The following ATXN2 variants were observed in gnomAD, a reference collection of about 807,000 sequenced individuals.
The protein encoded by ATXN2 is ataxin-2.
ATXN2 carries 37 observed loss-of-function variants against 138.6 expected under a neutral mutation model. The ratio of observed to expected loss-of-function variants is 0.27; its 90% CI spans 0.21 to 0.35. The LOEUF (loss-of-function observed/expected upper bound fraction) is 0.35, where lower values mean the gene tolerates loss of function less well. Among genes scored for constraint, ATXN2 ranks in the 10% least tolerant of loss-of-function variants. The pLI is 1.00. For missense variants in ATXN2, 1,216 were observed against 1,480.3 expected, an observed-to-expected ratio of 0.82 and a Z score of 2.93; for synonymous variants, 549 against 543.7, an observed-to-expected ratio of 1.01 and a Z score of -0.13.
intron 14 of ATXN2, among the ~76,000 whole-genome samples, chr12:111,499,629 A>G (rs1165742147): frequency 2.6e-5 from 4 of 151,850 alleles, no homozygotes; most frequent in Non-Finnish European, 4.4e-5. Context: ...AGCCAAGATC[A>G]CACCACTACG....
At chr12:111,599,670 CG>C (rs1479804357), upstream of ATXN2, 3 of 1,050,226 alleles carry the variant, frequency 2.9e-6, no homozygotes, top group Non-Finnish European at 2.3e-6. Flanking sequence ...GTTGCTTTCT[CG>C]GGGGTCGGGT....
intron 18 of ATXN2, among the ~76,000 whole-genome samples, chr12:111,481,236 G>A (rs1354179437): frequency 1.3e-5 from 2 of 152,150 alleles, no homozygotes; most frequent in African/African-American, 4.8e-5. Flanking sequence ...CTTGAGCTCA[G>A]GAATTCGAGA....
At chr12:111,479,237 T>C (rs923339614) in intron 18 of ATXN2, 3 of 278,368 alleles carry the variant, frequency 1.1e-5, no homozygotes, top group Non-Finnish European at 2.0e-5. Flanking sequence ...AATCATAAAA[T>C]GAAATGCTAC....
chr12:111,536,262 A>G (rs1881168391), intron 5 of ATXN2, among the ~76,000 whole-genome samples: 2 of 152,224 alleles, frequency 1.3e-5, no homozygotes. Flanking sequence ...TGGTGGAAGA[A>G]AACAAGGACC....
Position 111,494,059 on chromosome 12 carries a change from A to G in ATXN2, c.1936-5279T>C, listed in dbSNP as rs556566226. On this transcript the variant is annotated intron_variant, in intron 14 of 24. Transcript: ENST00000673436. ...GATTCTCCTGCCTCAGCCTCCGAGTAGCTGGGATTACAGGCACCCGCCACC... is the reference window on the plus strand; with the variant it reads ...GATTCTCCTGCCTCAGCCTCCGAGTGGCTGGGATTACAGGCACCCGCCACC... Among the ~76,000 whole-genome samples, 3 of 151,824 alleles carry G rather than the reference A, an allele frequency of 2.0e-5. No individual in the cohort carries two copies. In the East Asian group the frequency reaches 5.9e-4, roughly 30 times the overall value.
chr12:111,588,482 C>T (rs1425052264), intron 1 of ATXN2, among the ~76,000 whole-genome samples: 1 of 151,642 alleles, frequency 6.6e-6, no homozygotes, highest in Non-Finnish European at 1.5e-5. Flanking sequence ...ATTAGCCAGG[C>T]GAGATGGTGC....
chr12:111,556,931 T>C (rs889154404), intron 1 of ATXN2, among the ~76,000 whole-genome samples: 2 of 151,798 alleles, frequency 1.3e-5, no homozygotes, highest in South Asian at 2.1e-4. Flanking sequence ...TGCGTCTATA[T>C]GTGTGGATCG....
intron 15 of ATXN2, among the ~76,000 whole-genome samples, chr12:111,487,515 C>T (rs898328488): frequency 8.5e-5 from 13 of 152,062 alleles, no homozygotes; most frequent in Non-Finnish European, 1.0e-4. Flanking sequence ...GGCTGGAGTG[C>T]AGTGGCATGA....
At position 111,510,421 on chromosome 12, in the gene ATXN2, G is replaced by T. The variant is rs1395461429; in HGVS notation, c.1720C>A (p.Pro574Thr). The change falls in exon 12 of 25, where the codon CCT (proline) becomes ACT (threonine). Residue 574 changes from proline to threonine, a missense_variant. Around this residue, in one of 4 missense-constraint regions of ATXN2, gnomAD observed 215 missense variants for 210.0 expected, o/e 1.02. Transcript: ENST00000673436. ...IPAASPTPAS[P>T]ASNRAVTPSS... ...GGGGTAACAGCTCTGTTCGATGCAG[G>T]ACTAGCAGGCGTAGGAGATGCAGCT... The T allele has an allele frequency of 1.2e-6, 2 of 1,614,018 alleles. No individual in the cohort carries two copies. The highest frequency in any genetic ancestry group is 1.1e-5 in the South Asian group (1 of 91,074).
At position 111,598,061 on chromosome 12, in the gene ATXN2, G is replaced by C. The variant is rs1885026684; in HGVS notation, c.251+723C>G. On this transcript the variant is annotated intron_variant, in intron 1 of 24. Transcript: ENST00000673436. This position sits in a 1 kb window ranked among gnomAD's most constrained non-coding sequence, Gnocchi z 4.5. ...CCCACCCCTTCCCTTCCCCAGGTGGGGGAGGGTGGAACGCTGCCGGAGGCC... is the reference window on the plus strand; with the variant it reads ...CCCACCCCTTCCCTTCCCCAGGTGGCGGAGGGTGGAACGCTGCCGGAGGCC... 1 of 1,158,674 alleles carries C rather than the reference G, an allele frequency of 8.6e-7. No homozygotes were observed. The highest frequency in any genetic ancestry group is 3.7e-5 in the Admixed American group (1 of 26,706). The allele number at this position is 1,158,674 out of a possible 1,614,324, so 71.8% of individuals were successfully genotyped here.
At chr12:111,579,697 AC>A (rs1396754554) in intron 1 of ATXN2, among the ~76,000 whole-genome samples, 12 of 144,830 alleles carry the variant, frequency 8.3e-5, no homozygotes, top group African/African-American at 3.1e-4. Context: ...AGTACAGACG[AC>A]CTTTTTTTTT....
Position 111,456,091 on chromosome 12 carries a change from T to C in ATXN2, c.3208A>G (p.Ile1070Val). The C allele has an allele frequency of 6.2e-7, 1 of 1,614,098 alleles. No individual in the cohort carries two copies. The highest frequency in any genetic ancestry group is 8.5e-7 in the Non-Finnish European group (1 of 1,180,016). The change falls in exon 23 of 25, where the codon ATC becomes GTC. Residue 1070 changes from isoleucine to valine, a missense_variant. Transcript: ENST00000673436. ...FPAAQQTVFT[I>V]HPSHVQPAYT... is the part of the protein sequence containing the mutation. ...GCCGGCTGAACGTGAGAAGGATGGA[T>C]CGTAAAGACAGTCTGTTGTGCTGCT...
Position 111,525,289 on chromosome 12 carries a change from G to A in ATXN2, c.599C>T (p.Ala200Val), listed in dbSNP as rs772343910. Reference sequence around the variant, plus strand: ...CTCTTTGTGTTCGCCATTCACTTTAGCACTGATAGCAGAGTCAGTAAAAGC... The same window carrying A: ...CTCTTTGTGTTCGCCATTCACTTTAACACTGATAGCAGAGTCAGTAAAAGC... ...RDAFTDSAIS[A>V]KVNGEHKEKD... Residue 200 changes from alanine to valine, a missense_variant, in exon 6 of 25, where the codon GCT (alanine) becomes GTT (valine). Coordinates refer to ENST00000673436, the MANE Select transcript of ATXN2 (RefSeq NM_001372574.1). The A allele has an allele frequency of 5.6e-6, 9 of 1,608,276 alleles. No individual in the cohort carries two copies. Among genetic ancestry groups the A allele is most frequent in the South Asian group, 2.2e-5 (2 of 89,692 alleles).
rs751492438 is a variant in ATXN2, at chr12:111,581,498, C to A, written c.251+17286G>T. 5.8e-6 allele frequency: 6 copies of A among 1,026,276 alleles called. No homozygotes were observed. In the East Asian group the frequency reaches 7.3e-5, roughly 12 times the overall value. The allele number at this position is 1,026,276 out of a possible 1,614,324, so 63.6% of individuals were successfully genotyped here. Reference sequence around the variant, plus strand: ...GGGGGCACCCCACAACCCTGCTCCCCCAATGTCCACCGTGATCCCCATCCA... The same window carrying A: ...GGGGGCACCCCACAACCCTGCTCCCACAATGTCCACCGTGATCCCCATCCA... On this transcript the variant is annotated intron_variant, in intron 1 of 24. Coordinates refer to ENST00000673436, the MANE Select transcript of ATXN2 (RefSeq NM_001372574.1).
At chr12:111,520,531 G>A (rs1352612296) in intron 7 of ATXN2, among the ~76,000 whole-genome samples, 3 of 152,024 alleles carry the variant, frequency 2.0e-5, no homozygotes, top group Non-Finnish European at 2.9e-5. Flanking sequence ...CGCGCCTATA[G>A]TCCCAGCTAC....
At chr12:111,496,550 A>AAAAAT (rs1232631748) in intron 14 of ATXN2, among the ~76,000 whole-genome samples, 3 of 152,106 alleles carry the variant, frequency 2.0e-5, no homozygotes, top group Non-Finnish European at 2.9e-5. Context: ...AAACAAAAAT[A>AAAAAT]AAAATAAAAT....
At chr12:111,457,394 G>A (rs770623367) in intron 21 of ATXN2, 35 bp from the exon 22 acceptor site, 8 of 1,574,278 alleles carry the variant, frequency 5.1e-6, no homozygotes, top group South Asian at 1.2e-5. Flanking sequence ...GTACACAACC[G>A]ATGTCTGACA....
intron 6 of ATXN2, among the ~76,000 whole-genome samples, chr12:111,522,670 TGA>T (rs1457474180): frequency 6.6e-6 from 1 of 151,904 alleles, no homozygotes; most frequent in African/African-American, 2.4e-5. Context: ...CCCAGCACTT[TGA>T]GAGGCCAAGG....
At chr12:111,514,372 G>A (rs1261783278) in intron 10 of ATXN2, among the ~76,000 whole-genome samples, 3 of 152,168 alleles carry the variant, frequency 2.0e-5, no homozygotes, top group Non-Finnish European at 2.9e-5. Context: ...TCAGGTAAAA[G>A]AGTGGACAGA....
Sources: allele counts gnomAD v4.1 joint callset (sites outside exome capture counted in the v4.1 genomes callset), GRCh38; gene constraint gnomAD v4.1.1; regional missense constraint gnomAD v4.1.1; non-coding constraint Gnocchi (gnomAD v3.1); transcripts MANE v1.5; gene names NCBI Gene and HGNC (gene_info 2026-07-23, HGNC 2026-07-21).